The following CELF2 variants were observed in gnomAD, a reference collection of about 807,000 sequenced individuals.
CELF2 encodes CUGBP Elav-like family member 2.
CELF2 carries 8 observed loss-of-function variants against 62.6 expected under a neutral mutation model. That is an observed-to-expected ratio of 0.13 (90% CI 0.07 to 0.23). CELF2 has a LOEUF of 0.23. Among genes scored for constraint, CELF2 ranks in the 10% least tolerant of loss-of-function variants. The pLI, the probability that CELF2 is intolerant of heterozygous loss-of-function variation, is 1.00. For missense variants in CELF2, 333 were observed against 671.0 expected, an observed-to-expected ratio of 0.50 and a Z score of 5.56; for synonymous variants, 258 against 250.0, an observed-to-expected ratio of 1.03 and a Z score of -0.30.
chr10:11,108,265 T>C (rs2054173536), intron 1 of CELF2, among the ~76,000 whole-genome samples: 1 of 150,720 alleles, frequency 6.6e-6, no homozygotes, highest in African/African-American at 2.4e-5. Flanking sequence ...TTTGTTTAGG[T>C]GTGTGTGTAT....
the CELF2 span, among the ~76,000 whole-genome samples, chr10:10,698,684 C>T: frequency 2.0e-5 from 3 of 152,140 alleles, no homozygotes; most frequent in South Asian, 4.1e-4. Flanking sequence ...TCTCACTTTA[C>T]AGAAAAGTCA....
Position 11,214,037 on chromosome 10 carries a change from G to A in CELF2, c.272-3388G>A, listed in dbSNP as rs1012255204. On this transcript the variant is annotated intron_variant, in intron 2 of 12. Coordinates refer to ENST00000633077, the MANE Select transcript of CELF2 (RefSeq NM_001326342.2). The surrounding 1 kb of genome is among the most constrained non-coding windows in gnomAD (Gnocchi z 4.2). ...AGTAGCTCATGCCTATAGTCTAAGGGCTTTGGGAGGCCGAGGTGGGAGGAC... is the reference window on the plus strand; with the variant it reads ...AGTAGCTCATGCCTATAGTCTAAGGACTTTGGGAGGCCGAGGTGGGAGGAC... 1.3e-5 allele frequency among the ~76,000 whole-genome samples: 2 copies of A among 152,172 alleles called. No individual in the cohort carries two copies. The highest frequency in any genetic ancestry group is 2.9e-5 in the Non-Finnish European group (2 of 68,036).
chr10:10,533,415 A>G, the CELF2 span, among the ~76,000 whole-genome samples: 1 of 152,230 alleles, frequency 6.6e-6, no homozygotes, highest in African/African-American at 2.4e-5. Context: ...TTATGGAGAC[A>G]TAGGAAGGTA....
chr10:10,757,607 G>T, the CELF2 span, among the ~76,000 whole-genome samples: 14 of 152,058 alleles, frequency 9.2e-5, no homozygotes, highest in African/African-American at 3.1e-4. Context: ...CATATGAAAA[G>T]ATACCAGCCT....
intron 1 of CELF2, among the ~76,000 whole-genome samples, chr10:11,025,753 A>C (rs1470776638): frequency 1.3e-5 from 2 of 152,252 alleles, no homozygotes; most frequent in African/African-American, 4.8e-5. Context: ...ATTGTAACTG[A>C]AAGACTTTAT....
the CELF2 span, among the ~76,000 whole-genome samples, chr10:10,466,491 T>C: frequency 6.6e-6 from 1 of 152,228 alleles, no homozygotes; most frequent in South Asian, 2.1e-4. Context: ...TTGGGAACTG[T>C]TATAAGTAAA....
At chr10:10,916,343 G>A (rs7081736) in intron 1 of CELF2, among the ~76,000 whole-genome samples, 11,182 of 152,192 alleles carry the variant, frequency 0.073, 986 homozygotes, top group African/African-American at 0.21. Context: ...GGAGCTACAT[G>A]CACCAATGAA....
the CELF2 span, among the ~76,000 whole-genome samples, chr10:10,551,354 A>G: frequency 6.6e-6 from 1 of 152,006 alleles, no homozygotes; most frequent in Non-Finnish European, 1.5e-5. Flanking sequence ...CGGGGAGGAG[A>G]GAAGGAAGCA....
intron 1 of CELF2, among the ~76,000 whole-genome samples, chr10:10,829,727 C>G (rs1287331481): frequency 6.6e-6 from 1 of 152,184 alleles, no homozygotes; most frequent in African/African-American, 2.4e-5. Context: ...AGCCAGCCAA[C>G]ATCCCCAGAG....
At chr10:10,671,232 C>A in the CELF2 span, among the ~76,000 whole-genome samples, 1 of 150,130 alleles carries the variant, frequency 6.7e-6, no homozygotes, top group Admixed American at 6.6e-5. Context: ...AATTAGGCAC[C>A]TAAATTTTCT....
At chr10:10,702,003 G>T in the CELF2 span, among the ~76,000 whole-genome samples, 3 of 152,130 alleles carry the variant, frequency 2.0e-5, no homozygotes, top group African/African-American at 7.2e-5. Flanking sequence ...CAGCGGTACC[G>T]ATATTCCCAA....
chr10:11,321,804 T>G lies in CELF2; in HGVS notation c.1294+418T>G, dbSNP rs1227174905. ...CTTCAGATGAAGTTCTTGTCCATTG[T>G]ATATTTATATACCACTCTGGCTTTG... On this transcript the variant is annotated intron_variant, in intron 11 of 12. Coordinates refer to ENST00000633077, the MANE Select transcript of CELF2 (RefSeq NM_001326342.2). This position sits in a 1 kb window ranked among gnomAD's most constrained non-coding sequence, Gnocchi z 6.2. Among the ~76,000 whole-genome samples, 1 of 152,228 alleles carries G rather than the reference T, an allele frequency of 6.6e-6. No individual in the cohort carries two copies. Among genetic ancestry groups the G allele is most frequent in the Non-Finnish European group, 1.5e-5 (1 of 68,044 alleles).
At chr10:11,092,383 C>T (rs980752605) in intron 1 of CELF2, 15 of 152,200 alleles carry the variant, frequency 9.9e-5, no homozygotes, top group African/African-American at 3.1e-4. Flanking sequence ...CCTTGGTCCC[C>T]TTATTCCAGG....
chr10:10,690,772 C>T, the CELF2 span, among the ~76,000 whole-genome samples: 1 of 152,094 alleles, frequency 6.6e-6, no homozygotes, highest in Non-Finnish European at 1.5e-5. Context: ...ACCAGCTACT[C>T]AGGAGGCTGA....
At chr10:10,687,763 T>C in the CELF2 span, among the ~76,000 whole-genome samples, 1 of 152,238 alleles carries the variant, frequency 6.6e-6, no homozygotes, top group African/African-American at 2.4e-5. Context: ...AAAGTTTTCT[T>C]GCCGGGATGC....
intron 2 of CELF2, among the ~76,000 whole-genome samples, chr10:11,171,949 A>T (rs1213010742): frequency 6.6e-6 from 1 of 152,200 alleles, no homozygotes; most frequent in Non-Finnish European, 1.5e-5. Flanking sequence ...CTTTCTTCCT[A>T]AAAACATGTC....
intron 2 of CELF2, among the ~76,000 whole-genome samples, chr10:10,945,317 A>G (rs1257591820): frequency 2.6e-5 from 4 of 152,278 alleles, no homozygotes; most frequent in Admixed American, 6.5e-5. Flanking sequence ...CTTAGGTATC[A>G]TGGGAGGGAG....
At chr10:10,665,950 G>A in the CELF2 span, among the ~76,000 whole-genome samples, 1 of 152,210 alleles carries the variant, frequency 6.6e-6, no homozygotes, top group African/African-American at 2.4e-5. Context: ...TTATAATAGT[G>A]TTTCACCCAC....
At chr10:10,919,330 T>C (rs1052048201) in intron 1 of CELF2, among the ~76,000 whole-genome samples, 3 of 152,166 alleles carry the variant, frequency 2.0e-5, no homozygotes, top group African/African-American at 7.2e-5. Flanking sequence ...CAAAGTTAGT[T>C]TTGAAATTTG....
Sources: gnomAD v4.1 joint callset for allele counts (sites outside exome capture counted in the v4.1 genomes callset) on GRCh38, gnomAD v4.1.1 for gene constraint, Gnocchi (gnomAD v3.1) non-coding constraint, MANE v1.5 for transcripts, NCBI Gene and HGNC (gene_info 2026-07-23, HGNC 2026-07-21) for gene names.